Variants in GRAMD1C observed in about 807,000 individuals in gnomAD.
GRAMD1C encodes protein Aster-C.
In GRAMD1C, 89 loss-of-function variants were observed where a neutral mutation model predicts 97.8. The ratio of observed to expected loss-of-function variants is 0.91; its 90% CI spans 0.77 to 1.09. The LOEUF is 1.09. GRAMD1C is among the 50% of genes least tolerant of loss of function. The pLI is 0.00. For synonymous variants in GRAMD1C, 256 were observed against 267.0 expected, an observed-to-expected ratio of 0.96 and a Z score of 0.40; for missense variants, 740 against 766.4, an observed-to-expected ratio of 0.97 and a Z score of 0.41.
In GRAMD1C at chr3:113,911,173, G is replaced by C. The variant is rs201179546; in HGVS notation, c.952+2053G>C. Among the ~76,000 whole-genome samples, 1,040 of 147,524 alleles carry C rather than the reference G, an allele frequency of 7.0e-3. 10 individuals are homozygous for C. Among genetic ancestry groups the C allele is most frequent in the African/African-American group, 0.019 (766 of 39,790 alleles). ...CAGAGCAGGGAACAACAGAGAGAGA[G>C]ACACACACACACACACGCACACGAG... is the stretch of plus-strand genomic sequence containing the variant. On this transcript the variant is annotated intron_variant, in intron 9 of 17. Coordinates refer to ENST00000358160, the MANE Select transcript of GRAMD1C (RefSeq NM_017577.5).
chr3:113,896,528 G>T (rs1345800210), intron 6 of GRAMD1C, among the ~76,000 whole-genome samples: 2 of 152,102 alleles, frequency 1.3e-5, no homozygotes, highest in Non-Finnish European at 2.9e-5. Flanking sequence ...ATCAGTTGTG[G>T]TACAGTTAAT....
chr3:113,834,771 TA>T (rs776577187), upstream of GRAMD1C, among the ~76,000 whole-genome samples: 1,350 of 119,876 alleles, frequency 0.011, 16 homozygotes, highest in African/African-American at 0.027. Context: ...CTGTCTCTAC[TA>T]AAAAAAAAAA....
At chr3:113,920,578 G>A (rs187330815) in intron 10 of GRAMD1C, among the ~76,000 whole-genome samples, 2 of 152,170 alleles carry the variant, frequency 1.3e-5, no homozygotes, top group Admixed American at 1.3e-4. Flanking sequence ...TCACACTCTG[G>A]TTGCCCAGGC....
chr3:113,903,027 G>A (rs560760278), intron 7 of GRAMD1C, among the ~76,000 whole-genome samples: 17 of 150,526 alleles, frequency 1.1e-4, no homozygotes, highest in Non-Finnish European at 2.1e-4. Context: ...GTGCAGTGGC[G>A]TGATCTTGGC....
rs1937685187 is a variant in GRAMD1C at position 113,939,895 on chromosome 3, ATTAG to A, written c.1704_1707del (p.Leu568PhefsTer3). On this transcript the variant is annotated frameshift_variant, in exon 16 of 18. Coordinates refer to ENST00000358160, the MANE Select transcript of GRAMD1C (RefSeq NM_017577.5). LOFTEE classifies it high-confidence loss of function. The stretch of plus-strand genomic sequence containing the variant: ...AATTTGCTCTGCCTAGTGTGTTGTT[ATTAG>A]TTTTGTTGAATGTGACACTGTTTCT... 6.3e-7 allele frequency: 1 copy of A among 1,575,888 alleles called. No individual in the cohort carries two copies. Among genetic ancestry groups the A allele is most frequent in the African/African-American group, 1.3e-5 (1 of 74,158 alleles).
intron 8 of GRAMD1C, among the ~76,000 whole-genome samples, chr3:113,906,016 G>GGAGCT (rs1936359970): frequency 1.3e-5 from 2 of 152,124 alleles, no homozygotes; most frequent in African/African-American, 4.8e-5. Flanking sequence ...ACATTTTAAG[G>GGAGCT]GAGCTGAAAA....
chr3:113,900,675 C>T (rs1262082985), intron 6 of GRAMD1C, among the ~76,000 whole-genome samples: 2 of 151,696 alleles, frequency 1.3e-5, no homozygotes, highest in Non-Finnish European at 2.9e-5. Flanking sequence ...ATCTGCCTGC[C>T]TCAGCCTCCC....
At chr3:113,851,949 A>G (rs1295172308) in intron 2 of GRAMD1C, among the ~76,000 whole-genome samples, 4 of 149,200 alleles carry the variant, frequency 2.7e-5, no homozygotes, top group African/African-American at 9.9e-5. Context: ...GCTCACTGCA[A>G]CCTCCGCCTC....
At position 113,902,760 on chromosome 3, in the gene GRAMD1C, C is replaced by T. The variant is rs1577185194; in HGVS notation, c.657-1380C>T. On this transcript the variant is annotated intron_variant, in intron 7 of 17. Transcript: ENST00000358160. ...CTCCTGGGTTCAAGCGATTCTCCTG[C>T]CTCAGCCTCCCAAGTAGCTGGGATT... Among the ~76,000 whole-genome samples the T allele has an allele frequency of 2.0e-5, 3 of 152,020 alleles. No individual in the cohort carries two copies. The East Asian group carries it at 5.8e-4, about 29-fold the overall frequency.
intron 5 of GRAMD1C, among the ~76,000 whole-genome samples, chr3:113,880,423 T>A (rs534191303): frequency 2.0e-5 from 3 of 152,136 alleles, no homozygotes; most frequent in East Asian, 1.9e-4. Context: ...TCCTTTTTTT[T>A]AAAAAAACAA....
intron 6 of GRAMD1C, chr3:113,897,451 T>C: frequency 5.3e-6 from 4 of 750,198 alleles, no homozygotes; most frequent in Non-Finnish European, 6.5e-6. Flanking sequence ...CTTCTTCTTG[T>C]AGGAGTGGCT....
At chr3:113,879,874 A>G (rs1935195847) in intron 5 of GRAMD1C, among the ~76,000 whole-genome samples, 1 of 151,800 alleles carries the variant, frequency 6.6e-6, no homozygotes, top group African/African-American at 2.4e-5. Context: ...TTGTATTTTT[A>G]GTAGAGACGG....
intron 6 of GRAMD1C, among the ~76,000 whole-genome samples, chr3:113,883,721 G>C (rs967984836): frequency 6.6e-6 from 1 of 152,070 alleles, no homozygotes; most frequent in African/African-American, 2.4e-5. Context: ...AAAATTATTA[G>C]AGACAAGGAA....
At chr3:113,859,837 T>A (rs1291519534) in intron 2 of GRAMD1C, among the ~76,000 whole-genome samples, 2 of 152,046 alleles carry the variant, frequency 1.3e-5, no homozygotes, top group African/African-American at 4.8e-5. Flanking sequence ...TGAGCACAAA[T>A]CCTTCAAAAA....
chr3:113,932,325 T>A (rs1362493632), intron 11 of GRAMD1C, among the ~76,000 whole-genome samples: 1 of 152,208 alleles, frequency 6.6e-6, no homozygotes. Context: ...AAAAGTCTGG[T>A]ATTTTGGTAT....
intron 5 of GRAMD1C, among the ~76,000 whole-genome samples, chr3:113,878,363 TG>T (rs1183018664): frequency 6.6e-6 from 1 of 152,186 alleles, no homozygotes; most frequent in African/African-American, 2.4e-5. Flanking sequence ...CCCCCAGCCC[TG>T]GGATCAACCA....
chr3:113,930,186 A>C (rs1187627303), intron 10 of GRAMD1C, among the ~76,000 whole-genome samples: 3 of 152,214 alleles, frequency 2.0e-5, no homozygotes, highest in Non-Finnish European at 4.4e-5. Context: ...ATAATCATTT[A>C]TGTTCCATTG....
At position 113,876,100 on chromosome 3, in the gene GRAMD1C, T is replaced by C; in HGVS notation, c.364-65T>C. On this transcript the variant is annotated intron_variant, in intron 4 of 17. Transcript: ENST00000358160. ...AATATTCTGGATTAGATTGATGGGA[T>C]ACTTGGCATTTTGTATTGTGTATGT... 9.4e-6 allele frequency: 7 copies of C among 746,526 alleles called. No homozygotes were observed. In the South Asian group the frequency reaches 1.1e-4, roughly 12 times the overall value. 46.2% of individuals were successfully genotyped at this position (746,526 alleles called of 1,614,324 possible). A position where few individuals can be genotyped will look rare whatever the true frequency, so the allele number is the denominator to read the frequency against.
At chr3:113,863,614 T>A (rs1577138366) in intron 2 of GRAMD1C, among the ~76,000 whole-genome samples, 1 of 151,800 alleles carries the variant, frequency 6.6e-6, no homozygotes, top group Non-Finnish European at 1.5e-5. Flanking sequence ...AAGGATGAAT[T>A]CTATAGTATG....
Sources: gnomAD v4.1 joint callset for allele counts (sites outside exome capture counted in the v4.1 genomes callset) on GRCh38, gnomAD v4.1.1 for gene constraint, MANE v1.5 for transcripts, NCBI Gene and HGNC (gene_info 2026-07-23, HGNC 2026-07-21) for gene names.